Variants in ZNF804B observed in about 807,000 individuals in gnomAD.
ZNF804B encodes zinc finger 804B.
A neutral mutation model predicts 101.4 loss-of-function variants in ZNF804B; 80 were observed. The observed-to-expected ratio is 0.79, with a 90% CI of 0.66 to 0.95. The LOEUF is 0.95. Ranked by LOEUF, ZNF804B falls within the 40% of genes least tolerant of loss-of-function variation. ZNF804B has a pLI of 0.00. For missense variants in ZNF804B, 1,673 were observed against 1,561.9 expected, an observed-to-expected ratio of 1.07 and a Z score of -1.20; for synonymous variants, 622 against 558.8, an observed-to-expected ratio of 1.11 and a Z score of -1.59.
At chr7:89,303,432 A>T (rs1264368018) in intron 2 of ZNF804B, among the ~76,000 whole-genome samples, 2 of 151,906 alleles carry the variant, frequency 1.3e-5, no homozygotes, top group Non-Finnish European at 2.9e-5. Flanking sequence ...GGTACACAAA[A>T]AGTTAATCAG....
At chr7:88,879,906 G>A (rs1300218584) in intron 1 of ZNF804B, among the ~76,000 whole-genome samples, 2 of 152,082 alleles carry the variant, frequency 1.3e-5, no homozygotes, top group African/African-American at 4.8e-5. Context: ...GGGTGTAGTG[G>A]CAGACACCTG....
intron 1 of ZNF804B, among the ~76,000 whole-genome samples, chr7:89,016,038 G>A (rs1788550090): frequency 6.6e-6 from 1 of 152,204 alleles, no homozygotes; most frequent in Non-Finnish European, 1.5e-5. Flanking sequence ...TCTAACTGGT[G>A]TGAGATGGTA....
At chr7:89,071,149 A>G (rs1789532658) in intron 1 of ZNF804B, among the ~76,000 whole-genome samples, 1 of 151,448 alleles carries the variant, frequency 6.6e-6, no homozygotes, top group Non-Finnish European at 1.5e-5. Context: ...TATTGACAAG[A>G]AAAAACTATG....
At chr7:88,907,197 A>C (rs1792485841) in intron 1 of ZNF804B, among the ~76,000 whole-genome samples, 1 of 151,984 alleles carries the variant, frequency 6.6e-6, no homozygotes, top group South Asian at 2.1e-4. Flanking sequence ...TTTTAAACAT[A>C]ATAATTGTTT....
intron 2 of ZNF804B, among the ~76,000 whole-genome samples, chr7:89,221,741 AT>A (rs766655994): frequency 7.1e-6 from 1 of 141,774 alleles, no homozygotes. Flanking sequence ...ATTCTATTCT[AT>A]TCTATTCTAT....
intron 2 of ZNF804B, among the ~76,000 whole-genome samples, chr7:89,276,933 A>C (rs1208238771): frequency 1.3e-5 from 2 of 151,596 alleles, no homozygotes; most frequent in Non-Finnish European, 2.9e-5. Flanking sequence ...CTCCTTCTGA[A>C]AAATATTATG....
chr7:88,987,457 C>T (rs1324940519), intron 1 of ZNF804B, among the ~76,000 whole-genome samples: 1 of 152,070 alleles, frequency 6.6e-6, no homozygotes, highest in East Asian at 1.9e-4. Flanking sequence ...TCATTAGTCT[C>T]TCTTTTCATA....
intron 2 of ZNF804B, among the ~76,000 whole-genome samples, chr7:89,248,142 T>C (rs989654132): frequency 3.3e-5 from 5 of 152,084 alleles, no homozygotes; most frequent in Admixed American, 3.3e-4. Context: ...CTGGCATTCC[T>C]GAAAGAGATA....
intron 1 of ZNF804B, among the ~76,000 whole-genome samples, chr7:88,771,968 A>C (rs1452584035): frequency 6.6e-6 from 1 of 152,152 alleles, no homozygotes; most frequent in Non-Finnish European, 1.5e-5. Context: ...TGTAAACTTT[A>C]CTACAAAAGT....
chr7:89,025,879 G>C (rs759621746), intron 1 of ZNF804B, among the ~76,000 whole-genome samples: 40 of 152,058 alleles, frequency 2.6e-4, no homozygotes, highest in African/African-American at 1.7e-4. Flanking sequence ...AAAAGGCAAA[G>C]CTAATTATAT....
At chr7:89,024,998 C>T (rs775268437) in intron 1 of ZNF804B, among the ~76,000 whole-genome samples, 27 of 152,000 alleles carry the variant, frequency 1.8e-4, no homozygotes, top group Non-Finnish European at 2.9e-4. Context: ...TAGATGCAGC[C>T]GTACAACCCA....
In ZNF804B at chr7:88,858,978, C is replaced by A. The variant is rs184954916; in HGVS notation, c.108+98894C>A. ...ATTAATGAGGAGGCTTATGAACATTCCCTGAATGTTTAGGAATGGATATAT... is the reference window on the plus strand; with the variant it reads ...ATTAATGAGGAGGCTTATGAACATTACCTGAATGTTTAGGAATGGATATAT... On this transcript the variant is annotated intron_variant, in intron 1 of 3. Transcript: ENST00000333190. 1.6e-4 allele frequency among the ~76,000 whole-genome samples: 25 copies of A among 152,030 alleles called. No individual in the cohort carries two copies. In the East Asian group the frequency reaches 4.3e-3, roughly 26 times the overall value.
At chr7:88,960,600 G>A (rs891626648) in intron 1 of ZNF804B, among the ~76,000 whole-genome samples, 6 of 151,338 alleles carry the variant, frequency 4.0e-5, no homozygotes, top group African/African-American at 1.2e-4. Flanking sequence ...TATACATAGA[G>A]TATTGTTAGC....
intron 1 of ZNF804B, among the ~76,000 whole-genome samples, chr7:88,797,904 T>C (rs147752881): frequency 5.9e-5 from 9 of 152,126 alleles, no homozygotes; most frequent in African/African-American, 1.2e-4. Flanking sequence ...TTGAACAAGA[T>C]TGTTAACTCA....
chr7:89,062,666 C>G (rs920243847), intron 1 of ZNF804B, among the ~76,000 whole-genome samples: 4 of 151,986 alleles, frequency 2.6e-5, no homozygotes, highest in Non-Finnish European at 4.4e-5. Flanking sequence ...TGAGGTAAGT[C>G]AGGGAATTGA....
intron 1 of ZNF804B, among the ~76,000 whole-genome samples, chr7:89,213,701 A>G (rs1307207294): frequency 6.6e-6 from 1 of 152,212 alleles, no homozygotes; most frequent in Non-Finnish European, 1.5e-5. Context: ...ATGCTTAGCA[A>G]TTGGAACAGC....
intron 1 of ZNF804B, among the ~76,000 whole-genome samples, chr7:88,990,830 ATCAG>A (rs1361831663): frequency 6.6e-6 from 1 of 152,128 alleles, no homozygotes; most frequent in African/African-American, 2.4e-5. Flanking sequence ...TTTTATGTGT[ATCAG>A]TCCTTAATTT....
chr7:88,775,377 A>G (rs1402509646), intron 1 of ZNF804B, among the ~76,000 whole-genome samples: 1 of 152,200 alleles, frequency 6.6e-6, no homozygotes, highest in Non-Finnish European at 1.5e-5. Context: ...AGGAACAACC[A>G]TGCAGGACCC....
chr7:88,985,082 T>C (rs1214884626), intron 1 of ZNF804B, among the ~76,000 whole-genome samples: 5 of 152,062 alleles, frequency 3.3e-5, no homozygotes, highest in Non-Finnish European at 7.4e-5. Flanking sequence ...GATAGTAAAA[T>C]TTTCTTATTC....
Sources: allele counts gnomAD v4.1 joint callset (sites outside exome capture counted in the v4.1 genomes callset), GRCh38; gene constraint gnomAD v4.1.1; transcripts MANE v1.5; gene names NCBI Gene and HGNC (gene_info 2026-07-23, HGNC 2026-07-21).